The following ALDH1L1 variants were observed in gnomAD, a reference collection of about 807,000 sequenced individuals.
ALDH1L1 encodes cytosolic 10-formyltetrahydrofolate dehydrogenase.
In ALDH1L1, 68 loss-of-function variants were observed where a neutral mutation model predicts 101.1. The ratio of observed to expected loss-of-function variants is 0.67; its 90% CI spans 0.55 to 0.82. The LOEUF is 0.82. Among genes scored for constraint, ALDH1L1 ranks in the 40% least tolerant of loss-of-function variants. ALDH1L1 has a pLI of 0.00. For synonymous variants in ALDH1L1, 486 were observed against 470.8 expected, an observed-to-expected ratio of 1.03 and a Z score of -0.42; for missense variants, 1,087 against 1,172.7, an observed-to-expected ratio of 0.93 and a Z score of 1.07.
chr3:126,118,476 C>T (rs778941447), intron 16 of ALDH1L1, among the ~76,000 whole-genome samples: 14 of 152,156 alleles, frequency 9.2e-5, no homozygotes, highest in Non-Finnish European at 1.5e-4. Context: ...GGTGGAGAGC[C>T]GTCTGCAAGC....
At chr3:126,172,344 T>C (rs1001636833) in intron 1 of ALDH1L1, among the ~76,000 whole-genome samples, 1 of 151,802 alleles carries the variant, frequency 6.6e-6, no homozygotes, top group Non-Finnish European at 1.5e-5. Flanking sequence ...GGAGAACATA[T>C]AAGAACAAAT....
intron 12 of ALDH1L1, chr3:126,135,066 T>C (rs2080400345): frequency 6.6e-6 from 1 of 152,300 alleles, no homozygotes; most frequent in African/African-American, 2.4e-5. Context: ...ATTTTTTTTT[T>C]TTTTTTAATA....
intron 7 of ALDH1L1, chr3:126,152,842 C>CTA (rs781526860): frequency 1.8e-5 from 3 of 162,716 alleles, no homozygotes; most frequent in Non-Finnish European, 4.1e-5. Context: ...TTTTTTTCCT[C>CTA]TATAAGGATA....
At chr3:126,180,704 C>T (rs2081461015), upstream of ALDH1L1, 2 of 1,385,698 alleles carry the variant, frequency 1.4e-6, no homozygotes, top group African/African-American at 2.9e-5. Flanking sequence ...ATGGCGGGAG[C>T]GCAGCGCACC....
chr3:126,106,568 T>TA (rs1220939813), intron 21 of ALDH1L1, among the ~76,000 whole-genome samples: 1 of 152,148 alleles, frequency 6.6e-6, no homozygotes, highest in Non-Finnish European at 1.5e-5. Context: ...AGGGATGCTC[T>TA]GGGATTCTAA....
intron 3 of ALDH1L1, 90 bp from the exon 4 acceptor site, chr3:126,157,598 G>A (rs1181259490): frequency 2.1e-6 from 3 of 1,443,184 alleles, no homozygotes; most frequent in Non-Finnish European, 2.8e-6. Context: ...CCACCCTCCA[G>A]GAGGCCCTCT....
upstream of ALDH1L1, chr3:126,180,874 G>C (rs1301471039): frequency 6.4e-7 from 1 of 1,573,454 alleles, no homozygotes; most frequent in African/African-American, 1.4e-5. Context: ...CTGAGCGCTG[G>C]CAAGGCTAAG....
At chr3:126,172,405 T>C (rs1229884959) in intron 1 of ALDH1L1, among the ~76,000 whole-genome samples, 2 of 152,066 alleles carry the variant, frequency 1.3e-5, no homozygotes, top group Non-Finnish European at 2.9e-5. Flanking sequence ...AAAAAAAGTC[T>C]AGAAATAAAA....
At chr3:126,133,184 G>A (rs1466475202) in intron 12 of ALDH1L1, among the ~76,000 whole-genome samples, 2 of 152,188 alleles carry the variant, frequency 1.3e-5, no homozygotes, top group Non-Finnish European at 2.9e-5. Flanking sequence ...GCCACTTAGG[G>A]CCCGCTGCTT....
intron 6 of ALDH1L1, among the ~76,000 whole-genome samples, chr3:126,154,247 C>T (rs4532078): frequency 0.037 from 5,663 of 152,236 alleles, 348 homozygotes; most frequent in African/African-American, 0.13. Context: ...GAGTACTGGG[C>T]CTGGGGTCTC....
At chr3:126,138,072 G>A (rs1453547228) in intron 9 of ALDH1L1, 112 bp from the exon 10 acceptor site, 10 of 1,402,100 alleles carry the variant, frequency 7.1e-6, no homozygotes, top group South Asian at 1.4e-5. Flanking sequence ...TCCCAGCACC[G>A]AGAGGTAGCC....
intron 16 of ALDH1L1, among the ~76,000 whole-genome samples, chr3:126,123,590 T>A (rs2080121210): frequency 6.9e-6 from 1 of 145,280 alleles, no homozygotes; most frequent in South Asian, 2.1e-4. Flanking sequence ...CTTTCCTTAT[T>A]TGAACTAGAA....
chr3:126,190,857 T>G (rs759323423), intron 1 of ALDH1L1, among the ~76,000 whole-genome samples: 11 of 151,888 alleles, frequency 7.2e-5, no homozygotes, highest in Non-Finnish European at 1.6e-4. Flanking sequence ...CTAAAGTATA[T>G]CTGCTATCTA....
chr3:126,135,600 C>A lies in ALDH1L1; in HGVS notation c.1407G>T (p.Lys469Asn). The A allele has an allele frequency of 6.3e-7, 1 of 1,598,542 alleles. No individual in the cohort carries two copies. Reference protein sequence around the residue: ...TDVDKAVAAAKDAFENGRWGK... With the variant: ...TDVDKAVAAANDAFENGRWGK... ...CCCACCGTCCATTCTCAAAGGCATC[C>A]TTGGCTGCGGCCACTGCCTTGTCGA... Residue 469 changes from lysine to asparagine, a missense_variant, in exon 12 of 23, where the codon AAG (lysine) becomes AAT (asparagine). Transcript: ENST00000393434.
chr3:126,106,681 G>C (rs115025018), intron 21 of ALDH1L1, among the ~76,000 whole-genome samples: 4,171 of 152,280 alleles, frequency 0.027, 181 homozygotes, highest in African/African-American at 0.091. Context: ...CCTCCCGCAA[G>C]ACCCCCAGCA....
intron 1 of ALDH1L1, among the ~76,000 whole-genome samples, chr3:126,167,143 T>C (rs772552470): frequency 3.3e-5 from 5 of 152,202 alleles, no homozygotes; most frequent in Non-Finnish European, 7.4e-5. Context: ...AGAAGTATTA[T>C]TACGTTGCCT....
upstream of ALDH1L1, chr3:126,180,914 T>C (rs575762111): frequency 6.2e-7 from 1 of 1,606,560 alleles, no homozygotes; most frequent in Admixed American, 1.7e-5. Flanking sequence ...GCCAAGCCGG[T>C]GACTCACTCA....
intron 1 of ALDH1L1, 52 bp from the exon 2 acceptor site, chr3:126,161,054 G>A: frequency 1.3e-6 from 2 of 1,585,590 alleles, no homozygotes; most frequent in Admixed American, 1.7e-5. Context: ...TCTCAGAGAA[G>A]CCAGCCCTGG....
chr3:126,188,378 G>A (rs950102336), intron 1 of ALDH1L1, among the ~76,000 whole-genome samples: 1 of 152,146 alleles, frequency 6.6e-6, no homozygotes, highest in East Asian at 1.9e-4. Context: ...CAGTATGCAC[G>A]GGTTTTGGTA....
Sources: gnomAD v4.1 joint callset for allele counts (sites outside exome capture counted in the v4.1 genomes callset) on GRCh38, gnomAD v4.1.1 for gene constraint, MANE v1.5 for transcripts, NCBI Gene and HGNC (gene_info 2026-07-23, HGNC 2026-07-21) for gene names.